PTCHD4: variants seen among roughly 807,000 people sequenced by gnomAD.
PTCHD4 encodes patched domain-containing protein 4.
Under a neutral mutation model 58.1 loss-of-function variants are expected in PTCHD4, and 33 were observed. The ratio of observed to expected loss-of-function variants is 0.57; its 90% CI spans 0.43 to 0.76. The LOEUF is 0.76. Among genes scored for constraint, PTCHD4 ranks in the 30% least tolerant of loss-of-function variants. The pLI is 0.00. For missense variants in PTCHD4, 1,058 were observed against 1,027.1 expected (o/e 1.03, Z -0.41); for synonymous variants, 478 against 409.6 (o/e 1.17, Z -2.02).
intron 4 of PTCHD4, among the ~76,000 whole-genome samples, chr6:47,966,539 AAG>A (rs1361897752): frequency 6.6e-6 from 1 of 152,152 alleles, no homozygotes; most frequent in Non-Finnish European, 1.5e-5. Context: ...CTTTCCATGA[AAG>A]ATTTTTTTGT....
At chr6:48,021,401 G>A (rs1763066792) in intron 3 of PTCHD4, among the ~76,000 whole-genome samples, 1 of 152,070 alleles carries the variant, frequency 6.6e-6, no homozygotes, top group Non-Finnish European at 1.5e-5. Flanking sequence ...TGGGGACCTT[G>A]TTGGCTCAAT....
intron 3 of PTCHD4, among the ~76,000 whole-genome samples, chr6:48,066,366 G>C (rs1764797576): frequency 6.6e-6 from 1 of 152,052 alleles, no homozygotes; most frequent in African/African-American, 2.4e-5. Flanking sequence ...TACACCTGGA[G>C]GATACTGTAA....
chr6:48,111,145 A>G lies in PTCHD4; in HGVS notation c.-1066T>C, dbSNP rs1357522128. ...ATTTCTTCTCTGCTACTTCTCTGCC[A>G]TACTGTGGTTGGTAGTGGCTGCATC... On this transcript the variant is annotated 5_prime_UTR_variant, in exon 1 of 5. An upstream start codon of the reference 5' UTR is lost. Coordinates refer to ENST00000339488, the MANE Select transcript of PTCHD4 (RefSeq NM_001384253.1). Among the ~76,000 whole-genome samples the G allele has an allele frequency of 6.6e-6, 1 of 152,106 alleles. No homozygotes were observed. Among genetic ancestry groups the G allele is most frequent in the Non-Finnish European group, 1.5e-5 (1 of 68,020 alleles).
At chr6:47,987,478 T>TG (rs1487402147) in intron 4 of PTCHD4, among the ~76,000 whole-genome samples, 1 of 151,298 alleles carries the variant, frequency 6.6e-6, no homozygotes, top group Non-Finnish European at 1.5e-5. Flanking sequence ...CAGCTGCTTA[T>TG]GATTCTTAAT....
At position 48,068,727 on chromosome 6, in the gene PTCHD4, C is replaced by T. The variant is rs953239188; in HGVS notation, c.6-86G>A. 56 of 1,321,424 alleles carry T rather than the reference C, an allele frequency of 4.2e-5. No homozygotes were observed. Among genetic ancestry groups the T allele is most frequent in the Non-Finnish European group, 5.1e-5 (51 of 990,810 alleles). The allele number at this position is 1,321,424 out of a possible 1,614,324, so 81.9% of individuals were successfully genotyped here. A position where few individuals can be genotyped will look rare whatever the true frequency, so the allele number is the denominator to read the frequency against. On this transcript the variant is annotated intron_variant, in intron 2 of 4. Coordinates refer to ENST00000339488, the MANE Select transcript of PTCHD4 (RefSeq NM_001384253.1). The surrounding 1 kb of genome is among the most constrained non-coding windows in gnomAD (Gnocchi z 4.2). ...CCCTGGGGCCAGTCCCCCCTCCCCA[C>T]CGCCGCCGCCTCCCCACCCACTCCG...
intron 3 of PTCHD4, among the ~76,000 whole-genome samples, chr6:48,034,102 A>G (rs1225044883): frequency 6.6e-6 from 1 of 152,122 alleles, no homozygotes; most frequent in South Asian, 2.1e-4. Flanking sequence ...GATCCCTTAA[A>G]GAATTATGGC....
At position 47,875,003 on chromosome 6, in the gene PTCHD4, A is replaced by C. The variant is rs1763811308; in HGVS notation, c.*3300T>G. ...TAACATCAAAGAGAGTGGAGCTCAC[A>C]TGGCACTTTCCAATTCAAATTTAAA... On this transcript the variant is annotated 3_prime_UTR_variant, in exon 5 of 5. Coordinates refer to ENST00000339488, the MANE Select transcript of PTCHD4 (RefSeq NM_001384253.1). Among the ~76,000 whole-genome samples the C allele has an allele frequency of 6.6e-6, 1 of 151,886 alleles. No homozygotes were observed. Among genetic ancestry groups the C allele is most frequent in the East Asian group, 1.9e-4 (1 of 5,160 alleles).
chr6:47,986,521 G>A (rs551051483), intron 4 of PTCHD4, among the ~76,000 whole-genome samples: 1 of 152,254 alleles, frequency 6.6e-6, no homozygotes, highest in Non-Finnish European at 1.5e-5. Flanking sequence ...AGGACAATAT[G>A]TTGGTAGCCT....
rs1763356746 is a variant in PTCHD4 at position 47,858,832 on chromosome 6, T to G, written c.*19471A>C. ...AAAACAATACAGCAAATGTCACATTTGTACAGAATATGCTTCCTATAATCC... is the reference window on the plus strand; with the variant it reads ...AAAACAATACAGCAAATGTCACATTGGTACAGAATATGCTTCCTATAATCC... On this transcript the variant is annotated 3_prime_UTR_variant, in exon 5 of 5. Transcript: ENST00000339488. 6.6e-6 allele frequency among the ~76,000 whole-genome samples: 1 copy of G among 152,086 alleles called. No homozygotes were observed. Among genetic ancestry groups the G allele is most frequent in the Non-Finnish European group, 1.5e-5 (1 of 67,994 alleles).
Position 47,879,057 on chromosome 6 carries a change from T to G in PTCHD4, c.1778A>C (p.Lys593Thr). ...QHFRNDIIFS[K>T]AGDESNIIAS... Reference sequence around the variant, plus strand: ...AATGATATTGCTTTCATCCCCTGCCTTGGAGAAGATGATATCATTTCGAAA... The same window carrying G: ...AATGATATTGCTTTCATCCCCTGCCGTGGAGAAGATGATATCATTTCGAAA... Residue 593 changes from lysine (K) to threonine (T), a missense_variant, in exon 5 of 5, where the codon AAG becomes ACG. Lys to Thr is a moderately conservative substitution (Grantham distance 78, BLOSUM62 -1). Transcript: ENST00000339488. 1 of 1,613,508 alleles carries G rather than the reference T, an allele frequency of 6.2e-7. No individual in the cohort carries two copies. The highest frequency in any genetic ancestry group is 8.5e-7 in the Non-Finnish European group (1 of 1,179,740).
At chr6:48,104,664 A>C (rs1765681676) in intron 1 of PTCHD4, among the ~76,000 whole-genome samples, 1 of 152,214 alleles carries the variant, frequency 6.6e-6, no homozygotes, top group Non-Finnish European at 1.5e-5. Context: ...GGCAAATTGG[A>C]TAAAGAGTCA....
At chr6:47,905,245 G>T (rs1359113521) in intron 4 of PTCHD4, among the ~76,000 whole-genome samples, 1 of 152,096 alleles carries the variant, frequency 6.6e-6, no homozygotes, top group Non-Finnish European at 1.5e-5. Flanking sequence ...CAAAAACGTG[G>T]TAGATTTTAC....
intron 4 of PTCHD4, among the ~76,000 whole-genome samples, chr6:47,939,480 C>T (rs1158930580): frequency 6.6e-6 from 1 of 151,924 alleles, no homozygotes; most frequent in Non-Finnish European, 1.5e-5. Context: ...GACCCAGAAG[C>T]GAGTAGTGGA....
At chr6:47,946,773 G>A (rs1766434397) in intron 4 of PTCHD4, among the ~76,000 whole-genome samples, 1 of 151,314 alleles carries the variant, frequency 6.6e-6, no homozygotes, top group Admixed American at 6.6e-5. Flanking sequence ...GCTTTGTTTG[G>A]TACTGAGTTT....
chr6:47,982,651 C>G lies in PTCHD4; in HGVS notation c.898+25983G>C, dbSNP rs1447854529. On this transcript the variant is annotated intron_variant, in intron 4 of 4. Coordinates refer to ENST00000339488, the MANE Select transcript of PTCHD4 (RefSeq NM_001384253.1). ...CTACAGGCGCCCGCCACCAGGCCGG[C>G]TAATTTTTTGTATTTTCAGTAGAGA... 2.0e-5 allele frequency among the ~76,000 whole-genome samples: 3 copies of G among 152,002 alleles called. No homozygotes were observed. In the East Asian group the frequency reaches 5.8e-4, roughly 29 times the overall value.
At chr6:48,089,461 T>C (rs1002189041) in intron 1 of PTCHD4, among the ~76,000 whole-genome samples, 1 of 152,212 alleles carries the variant, frequency 6.6e-6, no homozygotes, top group African/African-American at 2.4e-5. Flanking sequence ...TCTTAACACA[T>C]GTTAATGCAT....
chr6:48,045,814 G>A (rs913034693), intron 3 of PTCHD4, among the ~76,000 whole-genome samples: 3 of 149,462 alleles, frequency 2.0e-5, no homozygotes, highest in Non-Finnish European at 3.0e-5. Context: ...GCAGCTTTGA[G>A]TACAGAGATT....
rs1408481607 is a variant in PTCHD4 at position 47,867,255 on chromosome 6, G to A, written c.*11048C>T. Among the ~76,000 whole-genome samples, 2 of 151,714 alleles carry A rather than the reference G, an allele frequency of 1.3e-5. No homozygotes were observed. The highest frequency in any genetic ancestry group is 4.8e-5 in the African/African-American group (2 of 41,348). On this transcript the variant is annotated 3_prime_UTR_variant, in exon 5 of 5. Coordinates refer to ENST00000339488, the MANE Select transcript of PTCHD4 (RefSeq NM_001384253.1). ...ACTCTCACACTTTGAGGGCTTTTGTGCCAGAACGTGGACGGTGTTCCATCA... is the reference window on the plus strand; with the variant it reads ...ACTCTCACACTTTGAGGGCTTTTGTACCAGAACGTGGACGGTGTTCCATCA...
chr6:47,939,570 T>C (rs1035785216), intron 4 of PTCHD4, among the ~76,000 whole-genome samples: 1 of 152,082 alleles, frequency 6.6e-6, no homozygotes, highest in East Asian at 1.9e-4. Context: ...CTGCTCTGTG[T>C]CAGTGATTCA....
Sources: allele counts gnomAD v4.1 joint callset (sites outside exome capture counted in the v4.1 genomes callset), GRCh38; gene constraint gnomAD v4.1.1; non-coding constraint Gnocchi (gnomAD v3.1); transcripts MANE v1.5; gene names NCBI Gene and HGNC (gene_info 2026-07-23, HGNC 2026-07-21).